The following CAMKMT variants were observed in gnomAD, a reference collection of about 807,000 sequenced individuals.
CAMKMT encodes the protein CaM KMT.
In CAMKMT, 53 loss-of-function variants were observed where a neutral mutation model predicts 48.0. The ratio of observed to expected loss-of-function variants is 1.10; its 90% CI spans 0.89 to 1.39. The LOEUF (loss-of-function observed/expected upper bound fraction) is 1.39. Ranked by LOEUF, CAMKMT falls within the 40% of genes most tolerant of loss-of-function variation. CAMKMT has a pLI of 0.00. For missense variants in CAMKMT, 428 were observed against 402.7 expected, an observed-to-expected ratio of 1.06 and a Z score of -0.54; for synonymous variants, 165 against 152.3, an observed-to-expected ratio of 1.08 and a Z score of -0.61.
chr2:44,444,228 A>G (rs1158078716), intron 3 of CAMKMT, among the ~76,000 whole-genome samples: 1 of 152,216 alleles, frequency 6.6e-6, no homozygotes, highest in Non-Finnish European at 1.5e-5. Flanking sequence ...AGAGCATTAA[A>G]TTCAGTCCTG....
Position 44,400,491 on chromosome 2 carries a change from A to G in CAMKMT, c.376+10186A>G, listed in dbSNP as rs184709653. On this transcript the variant is annotated intron_variant, in intron 3 of 10. Transcript: ENST00000378494. ...ATTTGCAATCCCTGATGCATATTGT[A>G]TATTTGGAAGCATTTAAGATGTTAA... is the stretch of plus-strand genomic sequence containing the variant. 1.0e-3 allele frequency among the ~76,000 whole-genome samples: 159 copies of G among 152,248 alleles called. 1 individual carries two copies. Among genetic ancestry groups the G allele is most frequent in the African/African-American group, 3.7e-3 (154 of 41,548 alleles).
intron 3 of CAMKMT, among the ~76,000 whole-genome samples, chr2:44,542,065 G>T (rs2103617590): frequency 6.6e-6 from 1 of 150,834 alleles, no homozygotes; most frequent in South Asian, 2.1e-4. Flanking sequence ...GGAGGCGGAG[G>T]TTGCGGTGAG....
chr2:44,556,297 C>T (rs893018699), intron 3 of CAMKMT, among the ~76,000 whole-genome samples: 5 of 151,796 alleles, frequency 3.3e-5, no homozygotes, highest in African/African-American at 9.7e-5. Flanking sequence ...TGCCACCACA[C>T]CTGGCTAATT....
rs551998540 is a variant in CAMKMT at position 44,619,493 on chromosome 2, A to C, written c.377-84790A>C. ...TATATATATATATGCATCTGCAAAC[A>C]CATATGTGTGTGTATATATAAATAA... On this transcript the variant is annotated intron_variant, in intron 3 of 10. Coordinates refer to ENST00000378494, the MANE Select transcript of CAMKMT (RefSeq NM_024766.5). 5.1e-4 allele frequency among the ~76,000 whole-genome samples: 77 copies of C among 152,288 alleles called. 1 individual carries two copies. Among genetic ancestry groups the C allele is most frequent in the Non-Finnish European group, 5.9e-5 (4 of 68,016 alleles).
intron 3 of CAMKMT, among the ~76,000 whole-genome samples, chr2:44,498,337 T>C (rs1427766828): frequency 6.6e-6 from 1 of 152,196 alleles, no homozygotes; most frequent in Non-Finnish European, 1.5e-5. Context: ...AATTGTCTAA[T>C]ATGAGATTAG....
chr2:44,711,008 C>G (rs1163340377), intron 6 of CAMKMT, among the ~76,000 whole-genome samples: 1 of 152,120 alleles, frequency 6.6e-6, no homozygotes, highest in African/African-American at 2.4e-5. Flanking sequence ...ATCCCCTGTG[C>G]TTTTTAAAGG....
chr2:44,395,829 TG>T (rs1245288336), intron 3 of CAMKMT, among the ~76,000 whole-genome samples: 1 of 152,164 alleles, frequency 6.6e-6, no homozygotes, highest in African/African-American at 2.4e-5. Context: ...AAGATATTTT[TG>T]GTATGTGCCA....
At chr2:44,383,554 G>A (rs1680475578) in intron 2 of CAMKMT, among the ~76,000 whole-genome samples, 1 of 152,042 alleles carries the variant, frequency 6.6e-6, no homozygotes, top group Admixed American at 6.6e-5. Flanking sequence ...GTTCTTTTGT[G>A]GTGTTCTGTG....
chr2:44,368,037 G>A (rs572420014), intron 1 of CAMKMT, among the ~76,000 whole-genome samples: 5 of 152,208 alleles, frequency 3.3e-5, no homozygotes, highest in South Asian at 2.1e-4. Context: ...AGTTGCATAC[G>A]TTGTTTACCT....
intron 3 of CAMKMT, among the ~76,000 whole-genome samples, chr2:44,574,183 A>G (rs985683401): frequency 6.6e-6 from 1 of 152,220 alleles, no homozygotes; most frequent in African/African-American, 2.4e-5. Flanking sequence ...AGAAACGGCT[A>G]TTATACAATG....
At chr2:44,594,873 G>A (rs1256994489) in intron 3 of CAMKMT, among the ~76,000 whole-genome samples, 1 of 152,114 alleles carries the variant, frequency 6.6e-6, no homozygotes, top group Admixed American at 6.5e-5. Flanking sequence ...GAGTGAACAG[G>A]CAACCTACAA....
At chr2:44,556,645 A>G (rs1297284231) in intron 3 of CAMKMT, among the ~76,000 whole-genome samples, 1 of 55,860 alleles carries the variant, frequency 1.8e-5, no homozygotes, top group Non-Finnish European at 3.8e-5. Flanking sequence ...AATTTTTTGT[A>G]TTTTTAGTAG....
chr2:44,537,443 A>G (rs1666837023), intron 3 of CAMKMT, among the ~76,000 whole-genome samples: 1 of 152,246 alleles, frequency 6.6e-6, no homozygotes. Flanking sequence ...ATCATCAGGG[A>G]AATGCAAATG....
At chr2:44,767,040 A>G (rs1332764984) in intron 10 of CAMKMT, among the ~76,000 whole-genome samples, 2 of 152,180 alleles carry the variant, frequency 1.3e-5, no homozygotes, top group African/African-American at 4.8e-5. Flanking sequence ...ACAGAATTTC[A>G]CAGTTGTGGG....
intron 3 of CAMKMT, among the ~76,000 whole-genome samples, chr2:44,411,585 G>GA (rs1344070834): frequency 2.6e-5 from 4 of 151,986 alleles, no homozygotes; most frequent in Non-Finnish European, 5.9e-5. Flanking sequence ...TTAAAATTTA[G>GA]AAAAAAATCC....
intron 3 of CAMKMT, among the ~76,000 whole-genome samples, chr2:44,646,182 A>G (rs1358793264): frequency 6.6e-6 from 1 of 152,218 alleles, no homozygotes; most frequent in Non-Finnish European, 1.5e-5. Flanking sequence ...CATCAAGGCA[A>G]AAAAACAAAT....
At chr2:44,536,977 G>T (rs916305089) in intron 3 of CAMKMT, among the ~76,000 whole-genome samples, 2 of 151,892 alleles carry the variant, frequency 1.3e-5, no homozygotes, top group African/African-American at 4.8e-5. Flanking sequence ...AATGAAACTG[G>T]ACCCATATCT....
chr2:44,687,619 A>G (rs1184603337), intron 3 of CAMKMT, among the ~76,000 whole-genome samples: 1 of 152,244 alleles, frequency 6.6e-6, no homozygotes, highest in East Asian at 1.9e-4. Flanking sequence ...AAGTATTTAA[A>G]AGAAAGAGAA....
intron 3 of CAMKMT, among the ~76,000 whole-genome samples, chr2:44,617,873 C>G (rs1009716092): frequency 2.0e-5 from 3 of 152,162 alleles, no homozygotes; most frequent in East Asian, 1.9e-4. Flanking sequence ...AATGCTTTGT[C>G]TGTTCGCAGG....
Sources: allele counts gnomAD v4.1 joint callset (sites outside exome capture counted in the v4.1 genomes callset), GRCh38; gene constraint gnomAD v4.1.1; transcripts MANE v1.5; gene names NCBI Gene and HGNC (gene_info 2026-07-23, HGNC 2026-07-21).